The following TLL1 variants were observed in gnomAD, a reference collection of about 807,000 sequenced individuals.
TLL1 encodes tolloid-like protein 1.
TLL1 carries 49 observed loss-of-function variants against 128.2 expected under a neutral mutation model. The ratio of observed to expected loss-of-function variants is 0.38; its 90% CI spans 0.30 to 0.48. The LOEUF (loss-of-function observed/expected upper bound fraction) is 0.48, where lower values mean the gene tolerates loss of function less well. Ranked by LOEUF, TLL1 falls within the 20% of genes least tolerant of loss-of-function variation. The pLI is 0.96. For missense variants in TLL1, 1,123 were observed against 1,242.0 expected (o/e 0.90, Z 1.44); for synonymous variants, 454 against 418.8 (o/e 1.08, Z -1.03).
chr4:165,937,071 A>G (rs1391341213), intron 1 of TLL1, among the ~76,000 whole-genome samples: 1 of 152,192 alleles, frequency 6.6e-6, no homozygotes, highest in African/African-American at 2.4e-5. Flanking sequence ...CAATTATCCA[A>G]TATGATTTAT....
chr4:165,932,537 G>A (rs1478041788), intron 1 of TLL1, among the ~76,000 whole-genome samples: 1 of 152,160 alleles, frequency 6.6e-6, no homozygotes, highest in African/African-American at 2.4e-5. Context: ...CAGTAACTGT[G>A]CGTAACTGAG....
At chr4:166,081,865 G>C (rs760456818) in intron 18 of TLL1, among the ~76,000 whole-genome samples, 6 of 151,856 alleles carry the variant, frequency 4.0e-5, no homozygotes, top group Non-Finnish European at 5.9e-5. Flanking sequence ...TTTAAAAATA[G>C]CAATACTCAA....
intron 9 of TLL1, among the ~76,000 whole-genome samples, chr4:166,032,893 T>C (rs78791520): frequency 0.018 from 2,795 of 152,192 alleles, 99 homozygotes; most frequent in African/African-American, 0.063. Context: ...TATAAACTGA[T>C]AACTAAAGAT....
intron 18 of TLL1, among the ~76,000 whole-genome samples, chr4:166,088,611 C>A (rs1275703070): frequency 6.6e-6 from 1 of 152,026 alleles, no homozygotes; most frequent in Non-Finnish European, 1.5e-5. Context: ...CAAGTTGCTA[C>A]CTATTCCAAA....
At chr4:165,949,345 T>C (rs1734401319) in intron 1 of TLL1, among the ~76,000 whole-genome samples, 1 of 152,094 alleles carries the variant, frequency 6.6e-6, no homozygotes, top group African/African-American at 2.4e-5. Context: ...CACAAAAAAA[T>C]GTAGCCCTAC....
At chr4:166,066,042 G>T (rs968341844) in intron 16 of TLL1, among the ~76,000 whole-genome samples, 179 bp downstream of exon 16, 1 of 31,486 alleles carries the variant, frequency 3.2e-5, no homozygotes, top group African/African-American at 5.1e-4. Context: ...ACTCTTTACA[G>T]GTGGATGGGA....
intron 5 of TLL1, among the ~76,000 whole-genome samples, 198 bp from the exon 6 acceptor site, chr4:166,003,193 T>G (rs2111033445): frequency 6.6e-6 from 1 of 152,322 alleles, no homozygotes; most frequent in Admixed American, 6.5e-5. Context: ...GCACTTGAAC[T>G]GATTATTTGG....
At chr4:165,997,071 G>T (rs1430737245) in intron 5 of TLL1, among the ~76,000 whole-genome samples, 1 of 152,032 alleles carries the variant, frequency 6.6e-6, no homozygotes, top group Non-Finnish European at 1.5e-5. Context: ...ATTGATCACT[G>T]ACTGGCAAAG....
chr4:166,015,717 C>T (rs918009549), intron 8 of TLL1, among the ~76,000 whole-genome samples: 8 of 151,868 alleles, frequency 5.3e-5, no homozygotes, highest in Non-Finnish European at 7.4e-5. Flanking sequence ...CTGGAAACTT[C>T]CCAGGAAGTT....
intron 11 of TLL1, 33 bp downstream of exon 11, chr4:166,042,176 T>A (rs1739268584): frequency 1.5e-6 from 2 of 1,318,392 alleles, no homozygotes; most frequent in Non-Finnish European, 2.2e-6. Context: ...GAGTAGTTCA[T>A]CTTATATCTC....
At chr4:166,022,964 T>C (rs1169941706) in intron 8 of TLL1, among the ~76,000 whole-genome samples, 2 of 152,234 alleles carry the variant, frequency 1.3e-5, no homozygotes, top group East Asian at 3.8e-4. Context: ...GTAGTTGTAT[T>C]GCTCACACAT....
intron 1 of TLL1, among the ~76,000 whole-genome samples, chr4:165,939,532 C>T (rs1370290083): frequency 6.6e-6 from 1 of 151,946 alleles, no homozygotes; most frequent in African/African-American, 2.4e-5. Context: ...TTTCAAATGA[C>T]CCACTGTTTT....
At chr4:166,014,252 A>G (rs1426028687) in intron 7 of TLL1, among the ~76,000 whole-genome samples, 184 bp from the exon 8 acceptor site, 1 of 151,996 alleles carries the variant, frequency 6.6e-6, no homozygotes, top group Non-Finnish European at 1.5e-5. Flanking sequence ...AGGCATACAC[A>G]TTTAACATGC....
At chr4:165,900,054 ATTTT>A (rs546256716) in intron 1 of TLL1, among the ~76,000 whole-genome samples, 3 of 126,978 alleles carry the variant, frequency 2.4e-5, no homozygotes, top group African/African-American at 5.6e-5. Context: ...GCTTTCCCTG[ATTTT>A]TTTTTTTTTT....
intron 19 of TLL1, among the ~76,000 whole-genome samples, chr4:166,092,248 A>C (rs534965727): frequency 3.5e-4 from 53 of 152,158 alleles, no homozygotes; most frequent in African/African-American, 1.2e-3. Flanking sequence ...CTTTCACTTG[A>C]TTTTGTAATT....
chr4:166,078,126 T>C, intron 18 of TLL1, 96 bp downstream of exon 18: 1 of 1,572,100 alleles, frequency 6.4e-7, no homozygotes, highest in Non-Finnish European at 8.7e-7. Context: ...TCTAATTGAA[T>C]CGAATCGTAG....
At chr4:165,923,911 T>C (rs577584181) in intron 1 of TLL1, among the ~76,000 whole-genome samples, 1 of 152,304 alleles carries the variant, frequency 6.6e-6, no homozygotes, top group East Asian at 1.9e-4. Context: ...GACTTTTTCA[T>C]CATTATTATA....
At chr4:166,041,222 G>T (rs910768814) in intron 10 of TLL1, among the ~76,000 whole-genome samples, 1 of 151,958 alleles carries the variant, frequency 6.6e-6, no homozygotes, top group Admixed American at 6.6e-5. Flanking sequence ...TAGCCTTGGG[G>T]TTTTCCTCAG....
At position 166,004,406 on chromosome 4, in the gene TLL1, C is replaced by T. The variant is rs540342980; in HGVS notation, c.811+837C>T. ...TATTTGCTCATTATATATTTGATGC[C>T]GATTATTTATTGAGCCAATGTTAGG... On this transcript the variant is annotated intron_variant, in intron 6 of 20. Transcript: ENST00000061240. Among the ~76,000 whole-genome samples, 8 of 151,776 alleles carry T rather than the reference C, an allele frequency of 5.3e-5. No individual in the cohort carries two copies. The South Asian group carries it at 1.0e-3, about 20-fold the overall frequency.
Sources: gnomAD v4.1 joint callset for allele counts (sites outside exome capture counted in the v4.1 genomes callset) on GRCh38, gnomAD v4.1.1 for gene constraint, MANE v1.5 for transcripts, NCBI Gene and HGNC (gene_info 2026-07-23, HGNC 2026-07-21) for gene names.